ATP9A: variants seen among roughly 807,000 people sequenced by gnomAD.
The protein encoded by ATP9A is ATPase phospholipid transporting 9A.
ATP9A carries 52 observed loss-of-function variants against 144.1 expected under a neutral mutation model. The ratio of observed to expected loss-of-function variants is 0.36; its 90% CI spans 0.29 to 0.45. The LOEUF (loss-of-function observed/expected upper bound fraction) is 0.45, where lower values mean the gene tolerates loss of function less well. Ranked by LOEUF, ATP9A falls within the 20% of genes least tolerant of loss-of-function variation. The probability of loss-of-function intolerance (pLI) is 1.00; values close to 1 mark genes in which losing one functional copy is unlikely to be tolerated. For synonymous variants in ATP9A, 582 were observed against 557.4 expected (o/e 1.04, Z -0.62); for missense variants, 947 against 1,392.7 (o/e 0.68, Z 5.09).
rs759722810 is a variant in ATP9A, at chr20:51,696,138, G to A, written c.502C>T (p.Arg168Trp). 4 of 1,613,648 alleles carry A rather than the reference G, an allele frequency of 2.5e-6. No individual in the cohort carries two copies. The highest frequency in any genetic ancestry group is 1.1e-5 in the South Asian group (1 of 91,060). The change falls in exon 6 of 28, where the codon CGG becomes TGG. Residue 168 changes from arginine (R) to tryptophan (W), a missense_variant. Arg to Trp is a moderately radical substitution (Grantham distance 101, BLOSUM62 -3). Coordinates refer to ENST00000338821, the MANE Select transcript of ATP9A (RefSeq NM_006045.3). ...GDLIIVEKNQ[R>W]VPADMIFLRT... ...AGGAAGATCATGTCGGCAGGGACCC[G>A]CTGGTTCTGTGTTATGAAAAGAAAG...
chr20:51,668,103 GGAAGGGCTGGGAGTGGGCGAGGGGCT>G (rs2077440949), intron 13 of ATP9A, among the ~76,000 whole-genome samples: 1 of 12,338 alleles, frequency 8.1e-5, no homozygotes, highest in Non-Finnish European at 2.4e-4. Flanking sequence ...GGGGGGGGGC[GGAAGGGCTGGGAGTGGGCGAGGGGCT>G]GGGGGAGGGG....
chr20:51,668,906 T>C (rs1568812195), intron 13 of ATP9A, among the ~76,000 whole-genome samples: 1 of 152,192 alleles, frequency 6.6e-6, no homozygotes, highest in Non-Finnish European at 1.5e-5. Context: ...AAATTAAATG[T>C]CAGTTATGAC....
chr20:51,753,878 G>A (rs2077844384), intron 1 of ATP9A, among the ~76,000 whole-genome samples: 1 of 150,592 alleles, frequency 6.6e-6, no homozygotes, highest in Non-Finnish European at 1.5e-5. Flanking sequence ...TCACCATGTT[G>A]GACAGGCTGG....
chr20:51,678,478 A>C (rs756734244), intron 9 of ATP9A, among the ~76,000 whole-genome samples: 4 of 152,212 alleles, frequency 2.6e-5, no homozygotes, highest in Non-Finnish European at 4.4e-5. Context: ...ACACTCAGCC[A>C]GGCAAACAAT....
intron 9 of ATP9A, among the ~76,000 whole-genome samples, chr20:51,684,488 C>T (rs1328593274): frequency 1.5e-5 from 2 of 137,632 alleles, no homozygotes; most frequent in East Asian, 4.5e-4. Context: ...CGAGGTCAGG[C>T]GATTGAGACC....
chr20:51,726,939 T>C (rs1235242597), intron 2 of ATP9A, among the ~76,000 whole-genome samples: 7 of 138,922 alleles, frequency 5.0e-5, no homozygotes, highest in Non-Finnish European at 9.2e-5. Context: ...TGCTCTGTTG[T>C]TTAGGAGGAG....
chr20:51,649,970 G>A (rs1187778273), intron 14 of ATP9A, among the ~76,000 whole-genome samples: 1 of 151,162 alleles, frequency 6.6e-6, no homozygotes, highest in Non-Finnish European at 1.5e-5. Context: ...AGTTAAACAT[G>A]GCCAGCAATT....
intron 9 of ATP9A, among the ~76,000 whole-genome samples, chr20:51,686,796 G>A (rs2077524971): frequency 6.6e-6 from 1 of 152,120 alleles, no homozygotes; most frequent in East Asian, 1.9e-4. Context: ...TTAGCCAGGG[G>A]TGGTTGCACA....
chr20:51,628,612 T>C (rs534514148), intron 16 of ATP9A, among the ~76,000 whole-genome samples: 26 of 152,348 alleles, frequency 1.7e-4, no homozygotes, highest in East Asian at 7.7e-4. Flanking sequence ...TGGCCAACAG[T>C]TGGCAACAAC....
chr20:51,605,169 T>C, intron 26 of ATP9A, 149 bp from the exon 27 acceptor site: 1 of 582,592 alleles, frequency 1.7e-6, no homozygotes, highest in Non-Finnish European at 2.7e-6. Flanking sequence ...TTTATGCAGG[T>C]CTGAACCTAT....
In ATP9A at chr20:51,674,185, G is replaced by A. The variant is rs1276952051; in HGVS notation, c.1005C>T (p.Phe335=). 6.2e-7 allele frequency: 1 copy of A among 1,614,016 alleles called. No individual in the cohort carries two copies. Among genetic ancestry groups the A allele is most frequent in the African/African-American group, 1.3e-5 (1 of 75,012 alleles). The change falls in exon 11 of 28, where the codon TTC becomes TTT. Residue 335 remains phenylalanine (F), a synonymous_variant. Transcript: ENST00000338821. ...AGRWYLQIIR[F]LLLFSNIIPI... is the part of the protein sequence containing the mutation. ...GGATGATGTTGGAAAACAAGAGGAG[G>A]AAGCGGATGATCTGCAGGTACCAAC... is the stretch of plus-strand genomic sequence containing the variant.
chr20:51,679,763 TG>T (rs2077492223), intron 9 of ATP9A, among the ~76,000 whole-genome samples: 1 of 152,208 alleles, frequency 6.6e-6, no homozygotes, highest in African/African-American at 2.4e-5. Flanking sequence ...TGGTGCTGCC[TG>T]GGGTCAGGGC....
At chr20:51,762,362 G>T (rs956827779) in intron 1 of ATP9A, among the ~76,000 whole-genome samples, 1 of 152,090 alleles carries the variant, frequency 6.6e-6, no homozygotes, top group Non-Finnish European at 1.5e-5. Context: ...TGGGCGTGGT[G>T]GCATGCGCCT....
At chr20:51,755,734 C>T (rs868433485) in intron 1 of ATP9A, among the ~76,000 whole-genome samples, 1 of 152,086 alleles carries the variant, frequency 6.6e-6, no homozygotes, top group South Asian at 2.1e-4. Flanking sequence ...GAGGCCGAGG[C>T]GGGCAGGTCA....
intron 16 of ATP9A, 134 bp downstream of exon 16, chr20:51,628,846 T>C (rs2077260051): frequency 6.9e-6 from 5 of 722,078 alleles, no homozygotes; most frequent in Non-Finnish European, 1.2e-5. Context: ...GGTGCTGCTT[T>C]AAGCAGCTGC....
chr20:51,710,679 A>G (rs1568830948), intron 4 of ATP9A, among the ~76,000 whole-genome samples: 1 of 152,186 alleles, frequency 6.6e-6, no homozygotes, highest in Non-Finnish European at 1.5e-5. Context: ...TGGGATTGGC[A>G]TAACAATGGA....
rs543169517 is a variant in ATP9A at position 51,721,871 on chromosome 20, T to C, written c.327+3948A>G. On this transcript the variant is annotated intron_variant, in intron 3 of 27. Coordinates refer to ENST00000338821, the MANE Select transcript of ATP9A (RefSeq NM_006045.3). ...ATTCATATGGAACCAAAAAAGAGCC[T>C]GCATAGTGAAAGCAAGACTAAGCAA... Among the ~76,000 whole-genome samples, 8 of 150,120 alleles carry C rather than the reference T, an allele frequency of 5.3e-5. No individual in the cohort carries two copies. The East Asian group carries it at 5.9e-4, about 11-fold the overall frequency.
chr20:51,656,901 G>A (rs1444410660), intron 14 of ATP9A, 37 bp downstream of exon 14: 1 of 1,583,160 alleles, frequency 6.3e-7, no homozygotes, highest in Admixed American at 1.7e-5. Flanking sequence ...AAACAAGCAG[G>A]GCCTCCCCAT....
chr20:51,702,710 C>T lies in ATP9A; in HGVS notation c.437-5228G>A, dbSNP rs116308153. Among the ~76,000 whole-genome samples, 643 of 152,144 alleles carry T rather than the reference C, an allele frequency of 4.2e-3. 5 individuals carry two copies. The highest frequency in any genetic ancestry group is 0.015 in the African/African-American group (626 of 41,472). ...AAAATCGGTAAGGGTGTGGAAAGGGCCCAAAACACATGATTTCTAACTTCA... is the reference window on the plus strand; with the variant it reads ...AAAATCGGTAAGGGTGTGGAAAGGGTCCAAAACACATGATTTCTAACTTCA... On this transcript the variant is annotated intron_variant, in intron 4 of 27. Coordinates refer to ENST00000338821, the MANE Select transcript of ATP9A (RefSeq NM_006045.3).
Sources: allele counts gnomAD v4.1 joint callset (sites outside exome capture counted in the v4.1 genomes callset), GRCh38; gene constraint gnomAD v4.1.1; transcripts MANE v1.5; gene names NCBI Gene and HGNC (gene_info 2026-07-23, HGNC 2026-07-21).